The following SLC35F1 variants were observed in gnomAD, a reference collection of about 807,000 sequenced individuals.
SLC35F1 encodes chromosome 6 open reading frame 169.
In SLC35F1, 14 loss-of-function variants were observed where a neutral mutation model predicts 48.7. The ratio of observed to expected loss-of-function variants is 0.29; its 90% CI spans 0.19 to 0.45. The LOEUF (loss-of-function observed/expected upper bound fraction) is 0.45, where lower values mean the gene tolerates loss of function less well. SLC35F1 is among the 20% of genes least tolerant of loss of function. SLC35F1 has a pLI of 1.00. For missense variants in SLC35F1, 404 were observed against 500.0 expected (o/e 0.81, Z 1.83); for synonymous variants, 190 against 202.2 (o/e 0.94, Z 0.51).
chr6:118,167,940 A>G (rs1774342876), intron 2 of SLC35F1, among the ~76,000 whole-genome samples: 1 of 152,102 alleles, frequency 6.6e-6, no homozygotes, highest in East Asian at 1.9e-4. Flanking sequence ...TCTTCTCTCC[A>G]TCCAGCTCCA....
At chr6:118,007,105 G>A (rs1354853264) in intron 1 of SLC35F1, among the ~76,000 whole-genome samples, 2 of 151,680 alleles carry the variant, frequency 1.3e-5, no homozygotes, top group Non-Finnish European at 1.5e-5. Flanking sequence ...AGTTTGTAAA[G>A]AAAAGGAATT....
At chr6:117,921,566 ACATGC>A (rs539119813) in intron 1 of SLC35F1, among the ~76,000 whole-genome samples, 73 of 152,228 alleles carry the variant, frequency 4.8e-4, no homozygotes, top group Admixed American at 1.5e-3. Context: ...CTAGTGGGAT[ACATGC>A]CTTTTGGATT....
Position 117,907,835 on chromosome 6 carries a change from G to A in SLC35F1, c.109G>A (p.Gly37Ser), listed in dbSNP as rs868596038. ...ENLPAEGSGG[G>S]GSLSASSRAG... ...CCTGCCGGCCGAGGGCAGCGGCGGC[G>A]GCGGGAGCCTGTCCGCCTCCTCCCG... Residue 37 changes from glycine (G) to serine (S), a missense_variant, in exon 1 of 8, where the codon GGC (glycine) becomes AGC (serine). Around this residue, in one of 2 missense-constraint regions of SLC35F1, gnomAD observed 98 missense variants for 81.0 expected, o/e 1.21. Transcript: ENST00000360388. 1.3e-6 allele frequency: 2 copies of A among 1,539,210 alleles called. No individual in the cohort carries two copies. The highest frequency in any genetic ancestry group is 8.7e-7 in the Non-Finnish European group (1 of 1,153,136).
intron 1 of SLC35F1, among the ~76,000 whole-genome samples, chr6:118,071,052 T>G (rs376269460): frequency 7.5e-6 from 1 of 132,542 alleles, no homozygotes; most frequent in Non-Finnish European, 1.6e-5. Context: ...ACACATAGTA[T>G]ATATATTCTA....
At chr6:118,168,129 C>A (rs910489304) in intron 2 of SLC35F1, among the ~76,000 whole-genome samples, 1 of 152,140 alleles carries the variant, frequency 6.6e-6, no homozygotes, top group Non-Finnish European at 1.5e-5. Flanking sequence ...CCAGTCCCTG[C>A]GCTGTCTTCC....
At chr6:118,097,177 C>T (rs868768854) in intron 1 of SLC35F1, among the ~76,000 whole-genome samples, 13 of 152,138 alleles carry the variant, frequency 8.5e-5, no homozygotes, top group African/African-American at 2.4e-4. Flanking sequence ...ATTCTGAAAA[C>T]GACCTACAAA....
intron 1 of SLC35F1, among the ~76,000 whole-genome samples, chr6:117,966,763 G>C (rs755674054): frequency 6.6e-6 from 1 of 152,036 alleles, no homozygotes; most frequent in Non-Finnish European, 1.5e-5. Flanking sequence ...TCCTCTTCTT[G>C]TAAAGCCATT....
intron 1 of SLC35F1, among the ~76,000 whole-genome samples, chr6:118,115,184 T>G (rs1773460128): frequency 6.6e-6 from 1 of 152,154 alleles, no homozygotes; most frequent in East Asian, 1.9e-4. Flanking sequence ...CCAAGAAGAC[T>G]GATTCATGCT....
At chr6:117,991,425 A>G (rs923999475) in intron 1 of SLC35F1, among the ~76,000 whole-genome samples, 1 of 152,222 alleles carries the variant, frequency 6.6e-6, no homozygotes, top group African/African-American at 2.4e-5. Flanking sequence ...GCTTTCTTAT[A>G]TAGATGAAAA....
chr6:118,021,800 G>T (rs1385479366), intron 1 of SLC35F1, among the ~76,000 whole-genome samples: 3 of 152,306 alleles, frequency 2.0e-5, no homozygotes, highest in African/African-American at 7.2e-5. Flanking sequence ...CTCACAGGGG[G>T]CCACTCGTCT....
chr6:118,301,126 T>C (rs1297881698), intron 7 of SLC35F1, among the ~76,000 whole-genome samples: 1 of 152,202 alleles, frequency 6.6e-6, no homozygotes, highest in East Asian at 1.9e-4. Context: ...GCTCCTTCTC[T>C]GCTGGGTGCT....
At chr6:118,073,709 T>C (rs1396751433) in intron 1 of SLC35F1, among the ~76,000 whole-genome samples, 1 of 152,210 alleles carries the variant, frequency 6.6e-6, no homozygotes, top group African/African-American at 2.4e-5. Flanking sequence ...TTTATATCAA[T>C]ATTTGAAAAA....
chr6:117,919,769 A>C (rs1275127735), intron 1 of SLC35F1, among the ~76,000 whole-genome samples: 1 of 152,200 alleles, frequency 6.6e-6, no homozygotes, highest in African/African-American at 2.4e-5. Context: ...GTATTTATGG[A>C]AAGTATATAG....
chr6:118,030,949 T>G (rs1180366604), intron 1 of SLC35F1, among the ~76,000 whole-genome samples: 2 of 152,174 alleles, frequency 1.3e-5, no homozygotes, highest in Non-Finnish European at 2.9e-5. Context: ...TTGGAATTTA[T>G]TTTTTTAATG....
chr6:118,141,722 G>A (rs892861841), intron 1 of SLC35F1, among the ~76,000 whole-genome samples: 1 of 152,152 alleles, frequency 6.6e-6, no homozygotes, highest in African/African-American at 2.4e-5. Flanking sequence ...ACCACATTGT[G>A]GGGGAGGTAG....
intron 1 of SLC35F1, among the ~76,000 whole-genome samples, chr6:117,977,485 T>C (rs1371036421): frequency 6.6e-6 from 1 of 152,202 alleles, no homozygotes; most frequent in Non-Finnish European, 1.5e-5. Context: ...AGTATTGATA[T>C]AATAAGGATT....
chr6:118,222,765 A>G (rs935706356), intron 2 of SLC35F1, among the ~76,000 whole-genome samples: 5 of 152,206 alleles, frequency 3.3e-5, no homozygotes, highest in African/African-American at 1.2e-4. Flanking sequence ...TATTTCTTGC[A>G]TCTTAATCCA....
intron 1 of SLC35F1, among the ~76,000 whole-genome samples, chr6:118,111,463 A>G (rs1773398635): frequency 6.6e-6 from 1 of 152,186 alleles, no homozygotes; most frequent in South Asian, 2.1e-4. Flanking sequence ...TTGAAAGAGA[A>G]AAACTCCACC....
rs1582786156 is a variant in SLC35F1 at position 118,316,258 on chromosome 6, G to A, written c.*2006G>A. 1 of 152,316 alleles carries A rather than the reference G, an allele frequency of 6.6e-6. No individual in the cohort carries two copies. Among genetic ancestry groups the A allele is most frequent in the Admixed American group, 6.5e-5 (1 of 15,268 alleles). 9.4% of individuals were successfully genotyped at this position (152,316 alleles called of 1,614,324 possible). ...AGAAAAATTATCTTCTCTGATATTC[G>A]GATGTAATGGTCATCTCAGTTCAGC... is the stretch of plus-strand genomic sequence containing the variant. On this transcript the variant is annotated 3_prime_UTR_variant, in exon 8 of 8. Transcript: ENST00000360388.
Sources: gnomAD v4.1 joint callset for allele counts (sites outside exome capture counted in the v4.1 genomes callset) on GRCh38, gnomAD v4.1.1 for gene constraint, gnomAD v4.1.1 regional missense constraint, MANE v1.5 for transcripts, NCBI Gene and HGNC (gene_info 2026-07-23, HGNC 2026-07-21) for gene names.